Variants in ZNF12 observed in about 807,000 individuals in gnomAD.
ZNF12 encodes the protein gonadotropin inducible transcription repressor 3.
ZNF12 carries 34 observed loss-of-function variants against 66.6 expected under a neutral mutation model. That is an observed-to-expected ratio of 0.51 (90% CI 0.39 to 0.68). The LOEUF (loss-of-function observed/expected upper bound fraction) is 0.68. Among genes scored for constraint, ZNF12 ranks in the 30% least tolerant of loss-of-function variants. The pLI is 0.00. For missense variants in ZNF12, 697 were observed against 826.9 expected (o/e 0.84, Z 1.93); for synonymous variants, 320 against 278.9 (o/e 1.15, Z -1.47).
chr7:6,694,274 C>G (rs571896045), intron 4 of ZNF12, among the ~76,000 whole-genome samples: 1 of 152,224 alleles, frequency 6.6e-6, no homozygotes, highest in South Asian at 2.1e-4. Flanking sequence ...CTGGATGAAC[C>G]TGACTACTGT....
In ZNF12 at chr7:6,691,828, G is replaced by C. The variant is rs527559742; in HGVS notation, c.1114C>G (p.Gln372Glu). ...GGTCTCTCTCCTGAATGTGTTCTCT[G>C]ATGTTGTGTGAGGTGTGTCTTCTGG... ...FCQKTHLTQHQRTHSGERPYV... is the reference protein window; with the variant it reads ...FCQKTHLTQHERTHSGERPYV... Residue 372 changes from glutamine to glutamate, a missense_variant, in exon 5 of 5, where the codon CAG (glutamine) becomes GAG (glutamate). Coordinates refer to ENST00000405858, the MANE Select transcript of ZNF12 (RefSeq NM_016265.4). 1.2e-6 allele frequency: 2 copies of C among 1,614,114 alleles called. No homozygotes were observed. The highest frequency in any genetic ancestry group is 1.3e-5 in the African/African-American group (1 of 75,038).
intron 2 of ZNF12, among the ~76,000 whole-genome samples, chr7:6,699,484 C>G (rs539043611): frequency 2.6e-5 from 4 of 152,320 alleles, no homozygotes; most frequent in African/African-American, 9.6e-5. Context: ...GGGTCCCACC[C>G]CAGCCAGATG....
rs2115345503 is a variant in ZNF12 at position 6,690,180 on chromosome 7, A to C, written c.*668T>G. The C allele has an allele frequency of 6.6e-6, 1 of 152,364 alleles. No individual in the cohort carries two copies. Among genetic ancestry groups the C allele is most frequent in the Admixed American group, 6.5e-5 (1 of 15,306 alleles). The allele number at this position is 152,364 out of a possible 1,614,324, so 9.4% of individuals were successfully genotyped here. A position where few individuals can be genotyped will look rare whatever the true frequency, so the allele number is the denominator to read the frequency against. ...AGAAAAAGTATACTTTATACCTATCAAATGATATTAATGTAGTGCTGTTTA... is the reference window on the plus strand; with the variant it reads ...AGAAAAAGTATACTTTATACCTATCCAATGATATTAATGTAGTGCTGTTTA... On this transcript the variant is annotated 3_prime_UTR_variant, in exon 5 of 5. Transcript: ENST00000405858.
chr7:6,692,725 A>T lies in ZNF12; in HGVS notation c.239-22T>A, dbSNP rs189034755. ...TCATCTAAAGAGAGACAAAATTAAT[A>T]AACTTTTGTACATCTTCCTATATAT... On this transcript the variant is annotated intron_variant, in intron 4 of 4. Transcript: ENST00000405858. The surrounding 1 kb of genome is among the most constrained non-coding windows in gnomAD (Gnocchi z 5.1). 2.2e-4 allele frequency: 343 copies of T among 1,534,310 alleles called. 2 individuals are homozygous for T. In the African/African-American group the frequency reaches 4.3e-3, roughly 19 times the overall value.
chr7:6,702,303 A>AACACACACACACACACACACACACAC lies in ZNF12; in HGVS notation c.15+2855_15+2856insGTGTGTGTGTGTGTGTGTGTGTGTGT, dbSNP rs35642461. Among the ~76,000 whole-genome samples the AACACACACACACACACACACACACAC allele has an allele frequency of 6.5e-5, 8 of 122,812 alleles. 1 individual carries two copies. Among genetic ancestry groups the AACACACACACACACACACACACACAC allele is most frequent in the African/African-American group, 2.1e-4 (7 of 33,058 alleles). 80.6% of individuals were successfully genotyped at this position (122,812 alleles called of 152,430 possible). A position where few individuals can be genotyped will look rare whatever the true frequency, so the allele number is the denominator to read the frequency against. On this transcript the variant is annotated intron_variant, in intron 2 of 4. Transcript: ENST00000405858. Reference sequence around the variant, plus strand: ...CCAGATTCGTCTCCCAAACTCCACAAACACACACACACACACACACACCAG... The same window carrying AACACACACACACACACACACACACAC: ...CCAGATTCGTCTCCCAAACTCCACAAACACACACACACACACACACACACACACACACACACACACACACACACCAG...
chr7:6,692,296 G>T lies in ZNF12; in HGVS notation c.646C>A (p.Pro216Thr), dbSNP rs1296301232. The T allele has an allele frequency of 5.0e-6, 8 of 1,610,900 alleles. No homozygotes were observed. The highest frequency in any genetic ancestry group is 5.9e-6 in the Non-Finnish European group (7 of 1,179,050). Residue 216 changes from proline to threonine, a missense_variant, in exon 5 of 5, where the codon CCT becomes ACT. By Grantham distance (38) the Pro-to-Thr change is conservative (BLOSUM62 -1). Around this residue, in one of 3 missense-constraint regions of ZNF12, gnomAD observed 241 missense variants for 224.0 expected, o/e 1.08. Transcript: ENST00000405858. The surrounding 1 kb of genome is among the most constrained non-coding windows in gnomAD (Gnocchi z 5.1). ...TTCTGGCATTCAATATATTCAAAAG[G>T]TTTCTCCAAAATACGAATTTTCTGA... ...LYQKIRILEKPFEYIECQKAF... is the reference protein window; with the variant it reads ...LYQKIRILEKTFEYIECQKAF...
At chr7:6,704,072 A>T (rs1780305239) in intron 2 of ZNF12, 2 of 152,206 alleles carry the variant, frequency 1.3e-5, no homozygotes, top group African/African-American at 4.8e-5. Flanking sequence ...CACACCTATA[A>T]TCCCAGCACT....
chr7:6,701,861 A>G (rs763057500), intron 2 of ZNF12, among the ~76,000 whole-genome samples: 1 of 151,860 alleles, frequency 6.6e-6, no homozygotes, highest in Non-Finnish European at 1.5e-5. Context: ...TCTCCCATCA[A>G]AACAAAACAA....
intron 2 of ZNF12, among the ~76,000 whole-genome samples, chr7:6,699,299 G>A (rs1396114101): frequency 3.3e-5 from 5 of 152,202 alleles, no homozygotes; most frequent in Admixed American, 3.3e-4. Flanking sequence ...GGAATGACTG[G>A]AATGATCCAT....
At position 6,691,099 on chromosome 7, in the gene ZNF12, A is replaced by G; in HGVS notation, c.1843T>C (p.Ser615Pro). The G allele has an allele frequency of 1.2e-6, 2 of 1,614,148 alleles. No individual in the cohort carries two copies. The highest frequency in any genetic ancestry group is 1.7e-6 in the Non-Finnish European group (2 of 1,180,004). ...TGTATAGTGAGATAGGACATCTGAGAGAAGCACTTCCCACATTCATAACAT... is the reference window on the plus strand; with the variant it reads ...TGTATAGTGAGATAGGACATCTGAGGGAAGCACTTCCCACATTCATAACAT... ...YECYECGKCF[S>P]QMSYLTIHHR... is the part of the protein sequence containing the mutation. The change falls in exon 5 of 5, where the codon TCT (serine) becomes CCT (proline). Residue 615 changes from serine (S) to proline (P), a missense_variant. Ser to Pro is a moderately conservative substitution (Grantham distance 74). Transcript: ENST00000405858.
chr7:6,688,495 C>T lies in ZNF12; in HGVS notation c.*2353G>A, dbSNP rs1270649419. ...GTACAATTAATGTATAATGACACAC[C>T]AGTGTGAGAAACCTCCATAGGTATC... On this transcript the variant is annotated 3_prime_UTR_variant, in exon 5 of 5. Transcript: ENST00000405858. This position sits in a 1 kb window ranked among gnomAD's most constrained non-coding sequence, Gnocchi z 4.3. 1 of 152,236 alleles carries T rather than the reference C, an allele frequency of 6.6e-6. No individual in the cohort carries two copies. The highest frequency in any genetic ancestry group is 1.5e-5 in the Non-Finnish European group (1 of 68,028). 9.4% of individuals were successfully genotyped at this position (152,236 alleles called of 1,614,324 possible). A position where few individuals can be genotyped will look rare whatever the true frequency, so the allele number is the denominator to read the frequency against.
intron 2 of ZNF12, among the ~76,000 whole-genome samples, chr7:6,700,328 CACACACACATAT>C (rs1780218580): frequency 6.7e-6 from 1 of 148,360 alleles, no homozygotes; most frequent in African/African-American, 2.6e-5. Context: ...CACACACACA[CACACACACATAT>C]ATATACATAT....
At position 6,691,257 on chromosome 7, in the gene ZNF12, G is replaced by A; in HGVS notation, c.1685C>T (p.Ser562Leu). The A allele has an allele frequency of 6.2e-7, 1 of 1,614,088 alleles. No individual in the cohort carries two copies. The highest frequency in any genetic ancestry group is 8.5e-7 in the Non-Finnish European group (1 of 1,179,996). The change falls in exon 5 of 5, where the codon TCA becomes TTA. Residue 562 changes from serine (S) to leucine (L), a missense_variant. This residue lies in a region of ZNF12 where 401 missense variants were observed against 519.0 expected (regional missense o/e 0.77). Coordinates refer to ENST00000405858, the MANE Select transcript of ZNF12 (RefSeq NM_016265.4). ...AATTCTATGATGTATAGTGAGGTATGACATCTGAGAGAAGAATTTTCCACA... is the reference window on the plus strand; with the variant it reads ...AATTCTATGATGTATAGTGAGGTATAACATCTGAGAGAAGAATTTTCCACA... ...YICGKFFSQMSYLTIHHRIHS... is the reference protein window; with the variant it reads ...YICGKFFSQMLYLTIHHRIHS...
In ZNF12 at chr7:6,705,711, T is replaced by G. The variant is rs577533878; in HGVS notation, c.-50-488A>C. On this transcript the variant is annotated intron_variant, in intron 1 of 4. Transcript: ENST00000405858. The surrounding 1 kb of genome is among the most constrained non-coding windows in gnomAD (Gnocchi z 4.0). Reference sequence around the variant, plus strand: ...TCCAGCCTGGGCAACAAAGCGAAACTTGTCTCAAAAACAAACAAACAAACA... The same window carrying G: ...TCCAGCCTGGGCAACAAAGCGAAACGTGTCTCAAAAACAAACAAACAAACA... Among the ~76,000 whole-genome samples the G allele has an allele frequency of 6.9e-6, 1 of 145,534 alleles. No homozygotes were observed. Among genetic ancestry groups the G allele is most frequent in the East Asian group, 1.9e-4 (1 of 5,170 alleles).
chr7:6,702,143 C>T (rs1780254539), intron 2 of ZNF12, among the ~76,000 whole-genome samples: 1 of 152,050 alleles, frequency 6.6e-6, no homozygotes, highest in African/African-American at 2.4e-5. Flanking sequence ...CAGCATTTGA[C>T]ACAGTTGATC....
chr7:6,692,786 C>T lies in ZNF12; in HGVS notation c.239-83G>A, dbSNP rs147894411. 5.1e-4 allele frequency: 684 copies of T among 1,337,500 alleles called. 3 individuals carry two copies. In the African/African-American group the frequency reaches 8.3e-3, roughly 16 times the overall value. 82.9% of individuals were successfully genotyped at this position (1,337,500 alleles called of 1,614,324 possible). On this transcript the variant is annotated intron_variant, in intron 4 of 4. Coordinates refer to ENST00000405858, the MANE Select transcript of ZNF12 (RefSeq NM_016265.4). The surrounding 1 kb of genome is among the most constrained non-coding windows in gnomAD (Gnocchi z 5.1). ...GAATGAGATTCATGATTTGTACACA[C>T]GCATCTCATTGTGAGTAGATGCTAG...
rs566586110 is a variant in ZNF12 at position 6,696,679 on chromosome 7, C to T, written c.238+660G>A. On this transcript the variant is annotated intron_variant, in intron 4 of 4. Transcript: ENST00000405858. The surrounding 1 kb of genome is among the most constrained non-coding windows in gnomAD (Gnocchi z 4.0). Reference sequence around the variant, plus strand: ...TATATGATACTTACTAAGCACCTGCCATGACAGGGTATCATTCAAGGCATT... The same window carrying T: ...TATATGATACTTACTAAGCACCTGCTATGACAGGGTATCATTCAAGGCATT... 1.3e-5 allele frequency among the ~76,000 whole-genome samples: 2 copies of T among 152,224 alleles called. No homozygotes were observed. Among genetic ancestry groups the T allele is most frequent in the East Asian group, 3.9e-4 (2 of 5,182 alleles).
chr7:6,700,284 G>C (rs970414647), intron 2 of ZNF12, among the ~76,000 whole-genome samples: 2 of 99,082 alleles, frequency 2.0e-5, no homozygotes, highest in African/African-American at 1.0e-4. Flanking sequence ...GACTCCGTCT[G>C]AGAGGAAAAA....
chr7:6,695,206 C>T (rs895993494), intron 4 of ZNF12, among the ~76,000 whole-genome samples: 10 of 152,240 alleles, frequency 6.6e-5, no homozygotes, highest in Admixed American at 1.3e-4. Flanking sequence ...TAAGCCACCA[C>T]GCCCAGCCCT....
Sources: allele counts gnomAD v4.1 joint callset (sites outside exome capture counted in the v4.1 genomes callset), GRCh38; gene constraint gnomAD v4.1.1; regional missense constraint gnomAD v4.1.1; non-coding constraint Gnocchi (gnomAD v3.1); transcripts MANE v1.5; gene names NCBI Gene and HGNC (gene_info 2026-07-23, HGNC 2026-07-21).